ALK: variants seen among roughly 807,000 people sequenced by gnomAD.
ALK encodes ALK tyrosine kinase receptor.
In ALK, 74 loss-of-function variants were observed where a neutral mutation model predicts 163.1. The ratio of observed to expected loss-of-function variants is 0.45; its 90% CI spans 0.38 to 0.55. ALK has a LOEUF of 0.55. Ranked by LOEUF, ALK falls within the 20% of genes least tolerant of loss-of-function variation. The pLI, the probability that ALK is intolerant of heterozygous loss-of-function variation, is 0.00. For synonymous variants in ALK, 960 were observed against 843.2 expected, an observed-to-expected ratio of 1.14 and a Z score of -2.40; for missense variants, 2,063 against 2,105.3, an observed-to-expected ratio of 0.98 and a Z score of 0.39.
intron 4 of ALK, among the ~76,000 whole-genome samples, chr2:29,469,080 T>C (rs556575426): frequency 6.6e-6 from 1 of 152,202 alleles, no homozygotes; most frequent in South Asian, 2.1e-4. Context: ...AAGGCTGATA[T>C]GTCTTGGAAA....
At chr2:29,275,072 G>A (rs1300757485) in intron 11 of ALK, 27 bp downstream of exon 11, 2 of 1,613,826 alleles carry the variant, frequency 1.2e-6, no homozygotes, top group South Asian at 2.2e-5. Context: ...AAGTTACTGT[G>A]CTCACATTTG....
intron 2 of ALK, among the ~76,000 whole-genome samples, chr2:29,715,123 T>C (rs1344469628): frequency 1.3e-5 from 2 of 152,180 alleles, no homozygotes; most frequent in African/African-American, 4.8e-5. Context: ...CACCCAGAGA[T>C]GGTGATGGTG....
intron 4 of ALK, among the ~76,000 whole-genome samples, chr2:29,472,345 T>G (rs1671366982): frequency 6.6e-6 from 1 of 152,190 alleles, no homozygotes; most frequent in Non-Finnish European, 1.5e-5. Context: ...ATCCACAAAA[T>G]CTGTGAGTGT....
intron 3 of ALK, among the ~76,000 whole-genome samples, chr2:29,685,066 C>T (rs1678195638): frequency 6.6e-6 from 1 of 152,194 alleles, no homozygotes; most frequent in South Asian, 2.1e-4. Context: ...ACCTATCTTG[C>T]TATATTATAG....
chr2:29,271,734 C>T (rs1665391239), intron 11 of ALK, among the ~76,000 whole-genome samples: 1 of 152,224 alleles, frequency 6.6e-6, no homozygotes, highest in African/African-American at 2.4e-5. Flanking sequence ...CTCTTTTAGT[C>T]CAGTGCTTTT....
rs1054357891 is a variant in ALK at position 29,246,837 on chromosome 2, G to C, written c.2204+4268C>G. On this transcript the variant is annotated intron_variant, in intron 12 of 28. Coordinates refer to ENST00000389048, the MANE Select transcript of ALK (RefSeq NM_004304.5). The surrounding 1 kb of genome is among the most constrained non-coding windows in gnomAD (Gnocchi z 4.3). ...TTCCAACTGCTCTCCCCACCTCCAG[G>C]CCGTTTCTCTCACTTCCACCCTCAT... is the stretch of plus-strand genomic sequence containing the variant. 2.6e-5 allele frequency among the ~76,000 whole-genome samples: 4 copies of C among 152,102 alleles called. No individual in the cohort carries two copies. The highest frequency in any genetic ancestry group is 9.7e-5 in the African/African-American group (4 of 41,408).
chr2:29,543,972 C>T (rs1673482461), intron 3 of ALK, among the ~76,000 whole-genome samples: 1 of 152,208 alleles, frequency 6.6e-6, no homozygotes, highest in African/African-American at 2.4e-5. Context: ...TAAATACACA[C>T]ATGCATGGAT....
intron 3 of ALK, among the ~76,000 whole-genome samples, chr2:29,635,222 G>T (rs962332821): frequency 1.3e-5 from 2 of 152,246 alleles, no homozygotes; most frequent in Non-Finnish European, 2.9e-5. Flanking sequence ...AGATATATAG[G>T]TTTGTAACAG....
chr2:29,719,311 C>T (rs1290308680), intron 1 of ALK, among the ~76,000 whole-genome samples: 1 of 152,166 alleles, frequency 6.6e-6, no homozygotes, highest in African/African-American at 2.4e-5. Flanking sequence ...TTGATTTGTG[C>T]CAGGTACATC....
chr2:29,619,006 A>G (rs1385700773), intron 3 of ALK, among the ~76,000 whole-genome samples: 1 of 152,126 alleles, frequency 6.6e-6, no homozygotes. Flanking sequence ...TAAATAAAAA[A>G]AAAAAACACT....
In ALK at chr2:29,780,705, C is replaced by T. The variant is rs144690647; in HGVS notation, c.668-63008G>A. Among the ~76,000 whole-genome samples, 493 of 152,254 alleles carry T rather than the reference C, an allele frequency of 3.2e-3. 2 individuals are homozygous for T. The highest frequency in any genetic ancestry group is 0.011 in the African/African-American group (452 of 41,542). On this transcript the variant is annotated intron_variant, in intron 1 of 28. Coordinates refer to ENST00000389048, the MANE Select transcript of ALK (RefSeq NM_004304.5). ...TACGTTAGCACAACCCATGGCGTTT[C>T]GGGGTAACAGATGCCACAGCAAAAA...
intron 4 of ALK, among the ~76,000 whole-genome samples, chr2:29,490,133 G>C (rs1223244209): frequency 6.6e-6 from 1 of 152,206 alleles, no homozygotes; most frequent in African/African-American, 2.4e-5. Context: ...AGTATGCCTT[G>C]ATGCTAAATC....
chr2:29,602,045 C>T (rs1414296309), intron 3 of ALK, among the ~76,000 whole-genome samples: 2 of 152,124 alleles, frequency 1.3e-5, no homozygotes, highest in Non-Finnish European at 2.9e-5. Flanking sequence ...GGTTAAAAGG[C>T]TAACACCTAG....
intron 1 of ALK, among the ~76,000 whole-genome samples, chr2:29,734,377 G>A (rs1376243272): frequency 3.3e-5 from 5 of 151,962 alleles, no homozygotes; most frequent in Non-Finnish European, 5.9e-5. Flanking sequence ...GATAAAGCTC[G>A]GGGACCACAG....
intron 2 of ALK, among the ~76,000 whole-genome samples, chr2:29,706,908 A>T (rs1468815793): frequency 1.3e-5 from 2 of 151,682 alleles, no homozygotes; most frequent in East Asian, 3.9e-4. Flanking sequence ...GAGAGTTGAG[A>T]CCAGAACCCA....
At chr2:29,452,434 C>T (rs1670846381) in intron 4 of ALK, among the ~76,000 whole-genome samples, 1 of 151,620 alleles carries the variant, frequency 6.6e-6, no homozygotes, top group Non-Finnish European at 1.5e-5. Flanking sequence ...TCTTTGCTCT[C>T]ACTTCACCCT....
At chr2:29,465,267 G>C (rs919069800) in intron 4 of ALK, among the ~76,000 whole-genome samples, 4 of 152,178 alleles carry the variant, frequency 2.6e-5, no homozygotes, top group East Asian at 3.8e-4. Context: ...AAAGACAATA[G>C]AGCAATATCT....
chr2:29,713,723 T>G (rs1679170712), intron 2 of ALK, among the ~76,000 whole-genome samples: 1 of 152,212 alleles, frequency 6.6e-6, no homozygotes. Flanking sequence ...TAAACTCCTT[T>G]GACCCTCGAT....
chr2:29,421,140 C>G (rs79520873), intron 4 of ALK, among the ~76,000 whole-genome samples: 1 of 151,358 alleles, frequency 6.6e-6, no homozygotes, highest in Non-Finnish European at 1.5e-5. Context: ...TCTAAGACAA[C>G]GGACATCCTC....
Sources: allele counts gnomAD v4.1 joint callset (sites outside exome capture counted in the v4.1 genomes callset), GRCh38; gene constraint gnomAD v4.1.1; non-coding constraint Gnocchi (gnomAD v3.1); transcripts MANE v1.5; gene names NCBI Gene and HGNC (gene_info 2026-07-23, HGNC 2026-07-21).